Variants in ATF7IP2 observed in about 807,000 individuals in gnomAD.
ATF7IP2 encodes activating transcription factor 7 interacting protein 2, also known as activating transcription factor 7-interacting protein 2.
Under a neutral mutation model 64.2 loss-of-function variants are expected in ATF7IP2, and 42 were observed. The ratio of observed to expected loss-of-function variants is 0.65; its 90% confidence interval spans 0.51 to 0.85. ATF7IP2 has a LOEUF of 0.85. Ranked by LOEUF, ATF7IP2 falls within the 40% of genes least tolerant of loss-of-function variation. The pLI is 0.00. For synonymous variants in ATF7IP2, 308 were observed against 272.8 expected (o/e 1.13, Z -1.27); for missense variants, 933 against 784.2 (o/e 1.19, Z -2.27).
chr16:10,473,915 T>A lies in ATF7IP2; in HGVS notation c.1483-8T>A, dbSNP rs756853408. 7 of 1,498,446 alleles carry A rather than the reference T, an allele frequency of 4.7e-6. No homozygotes were observed. Among genetic ancestry groups the A allele is most frequent in the Non-Finnish European group, 6.3e-6 (7 of 1,114,628 alleles). 92.8% of individuals were successfully genotyped at this position (1,498,446 alleles called of 1,614,324 possible). A position where few individuals can be genotyped will look rare whatever the true frequency, so the allele number is the denominator to read the frequency against. The stretch of plus-strand genomic sequence containing the variant: ...AAAGCTTTTTTTTTTTTTTTACAAT[T>A]TTTTTAGGCTGTACAGAAGAAACTT... On this transcript the variant is annotated splice_region_variant and splice_polypyrimidine_tract_variant and intron_variant, in intron 11 of 13. Transcript: ENST00000562102.
At chr16:10,430,341 C>G (rs1228097964) in intron 4 of ATF7IP2, among the ~76,000 whole-genome samples, 1 of 152,010 alleles carries the variant, frequency 6.6e-6, no homozygotes, top group African/African-American at 2.4e-5. Flanking sequence ...GGTGATATAA[C>G]AAGAAGTGGC....
intron 1 of ATF7IP2, among the ~76,000 whole-genome samples, chr16:10,398,514 CAT>C (rs2047464751): frequency 6.6e-6 from 1 of 152,090 alleles, no homozygotes; most frequent in Non-Finnish European, 1.5e-5. Context: ...CTTGCACTCA[CAT>C]GTTTATTGCA....
chr16:10,425,727 CT>C (rs1427838770), intron 3 of ATF7IP2, among the ~76,000 whole-genome samples: 1 of 152,044 alleles, frequency 6.6e-6, no homozygotes, highest in Non-Finnish European at 1.5e-5. Flanking sequence ...AACCCCATCT[CT>C]ATTAAAAATA....
At chr16:10,458,522 T>C (rs559977712) in intron 9 of ATF7IP2, among the ~76,000 whole-genome samples, 4 of 152,372 alleles carry the variant, frequency 2.6e-5, no homozygotes, top group Non-Finnish European at 4.4e-5. Flanking sequence ...CTGCGATTTA[T>C]AAAACTGTTT....
At chr16:10,406,995 A>C (rs1596450620) in intron 1 of ATF7IP2, among the ~76,000 whole-genome samples, 1 of 152,382 alleles carries the variant, frequency 6.6e-6, no homozygotes, top group East Asian at 1.9e-4. Flanking sequence ...AAAAATCAGC[A>C]AAATGGTAGA....
chr16:10,427,563 A>G (rs1377107974), intron 3 of ATF7IP2, among the ~76,000 whole-genome samples: 5 of 152,190 alleles, frequency 3.3e-5, no homozygotes, highest in Non-Finnish European at 7.3e-5. Flanking sequence ...TCAGAATAGC[A>G]TTGTTGTGTC....
chr16:10,442,767 TC>T (rs869082691), intron 8 of ATF7IP2, among the ~76,000 whole-genome samples: 1 of 67,348 alleles, frequency 1.5e-5, no homozygotes, highest in African/African-American at 6.0e-5. Flanking sequence ...CATTCTATTT[TC>T]ACAGGCCATT....
intron 9 of ATF7IP2, among the ~76,000 whole-genome samples, chr16:10,458,003 C>T (rs982724214): frequency 6.6e-6 from 1 of 152,188 alleles, no homozygotes; most frequent in Non-Finnish European, 1.5e-5. Context: ...TGAGCCACTG[C>T]GCCTGGCCCT....
intron 9 of ATF7IP2, among the ~76,000 whole-genome samples, chr16:10,460,810 C>T (rs894131084): frequency 6.6e-6 from 1 of 152,058 alleles, no homozygotes; most frequent in African/African-American, 2.4e-5. Context: ...GACATAAATG[C>T]CGTTGCCATA....
intron 1 of ATF7IP2, among the ~76,000 whole-genome samples, chr16:10,409,044 G>A (rs2047699529): frequency 6.6e-6 from 1 of 152,196 alleles, no homozygotes; most frequent in Admixed American, 6.5e-5. Context: ...GATCACAAGA[G>A]CACACTGAAC....
At chr16:10,443,249 A>C (rs150833558) in intron 8 of ATF7IP2, among the ~76,000 whole-genome samples, 3 of 152,182 alleles carry the variant, frequency 2.0e-5, no homozygotes, top group Admixed American at 2.0e-4. Flanking sequence ...AGAAATGCCA[A>C]ATTTTCTCCC....
At chr16:10,436,147 G>A (rs1281226377) in intron 6 of ATF7IP2, among the ~76,000 whole-genome samples, 2 of 152,186 alleles carry the variant, frequency 1.3e-5, no homozygotes, top group Non-Finnish European at 2.9e-5. Flanking sequence ...GATCACTTGA[G>A]GTCAGGAGTT....
intron 12 of ATF7IP2, among the ~76,000 whole-genome samples, chr16:10,477,395 A>G (rs544327165): frequency 1.3e-3 from 194 of 152,360 alleles, no homozygotes; most frequent in African/African-American, 4.4e-3. Flanking sequence ...ATCTCAATAG[A>G]TGCAGAAAAG....
chr16:10,391,230 T>G (rs1596413000), intron 1 of ATF7IP2, among the ~76,000 whole-genome samples: 1 of 147,032 alleles, frequency 6.8e-6, no homozygotes, highest in Admixed American at 6.8e-5. Flanking sequence ...CTGAGGTGGG[T>G]GGATTGCTGG....
At chr16:10,438,295 G>T in intron 7 of ATF7IP2, 60 bp downstream of exon 7, 1 of 1,520,268 alleles carries the variant, frequency 6.6e-7, no homozygotes, top group Non-Finnish European at 8.8e-7. Flanking sequence ...TTGCTCTGTT[G>T]CTCAGGCTGC....
chr16:10,391,674 G>A (rs1466750264), intron 1 of ATF7IP2, among the ~76,000 whole-genome samples: 2 of 152,120 alleles, frequency 1.3e-5, no homozygotes, highest in Non-Finnish European at 1.5e-5. Flanking sequence ...AGGTCAGGTG[G>A]ATTACCTGAG....
At chr16:10,465,264 A>G (rs1012939060) in intron 9 of ATF7IP2, among the ~76,000 whole-genome samples, 1 of 152,238 alleles carries the variant, frequency 6.6e-6, no homozygotes, top group Non-Finnish European at 1.5e-5. Flanking sequence ...TTGGATCTAA[A>G]CATTCTGTCT....
At chr16:10,467,403 T>C (rs2049616086) in intron 9 of ATF7IP2, among the ~76,000 whole-genome samples, 1 of 152,172 alleles carries the variant, frequency 6.6e-6, no homozygotes, top group Non-Finnish European at 1.5e-5. Context: ...GTATTTTGAC[T>C]ATCGTATAAT....
intron 1 of ATF7IP2, among the ~76,000 whole-genome samples, chr16:10,396,012 A>G (rs984334473): frequency 6.6e-6 from 1 of 152,182 alleles, no homozygotes; most frequent in African/African-American, 2.4e-5. Context: ...ATATGTAGAA[A>G]ATTCTAAGAG....
Sources: gnomAD v4.1 joint callset for allele counts (sites outside exome capture counted in the v4.1 genomes callset) on GRCh38, gnomAD v4.1.1 for gene constraint, MANE v1.5 for transcripts, NCBI Gene and HGNC (gene_info 2026-07-23, HGNC 2026-07-21) for gene names.